BMAL1: variants seen among roughly 807,000 people sequenced by gnomAD.
The protein encoded by BMAL1 is basic helix-loop-helix ARNT like 1.
chr11:13,330,663 G>T, the BMAL1 span, among the ~76,000 whole-genome samples: 1 of 152,234 alleles, frequency 6.6e-6, no homozygotes. Flanking sequence ...TAAATTAGGA[G>T]ATGGGAGGGA....
the BMAL1 span, among the ~76,000 whole-genome samples, chr11:13,362,027 C>CT: frequency 4.6e-5 from 7 of 152,212 alleles, no homozygotes; most frequent in Non-Finnish European, 1.0e-4. Flanking sequence ...ATTTTCCAGC[C>CT]TCCCTGGTGG....
chr11:13,366,755 C>A, the BMAL1 span: 1 of 1,613,900 alleles, frequency 6.2e-7, no homozygotes, highest in Admixed American at 1.7e-5. Flanking sequence ...TGACACCGCA[C>A]CCCGGGAGCG....
chr11:13,284,267 T>TATATATA, the BMAL1 span, among the ~76,000 whole-genome samples: 87 of 11,760 alleles, frequency 7.4e-3, 4 homozygotes, highest in Middle Eastern at 0.038. Context: ...TATATATATA[T>TATATATA]TTTTTTTTTT....
At chr11:13,359,592 G>A in the BMAL1 span, among the ~76,000 whole-genome samples, 6 of 152,164 alleles carry the variant, frequency 3.9e-5, no homozygotes, top group African/African-American at 4.8e-5. Context: ...GTTGCAACAC[G>A]TCCTGTCTCC....
chr11:13,381,388 C>A, the BMAL1 span: 18 of 803,564 alleles, frequency 2.2e-5, no homozygotes, highest in Non-Finnish European at 3.3e-5. Flanking sequence ...GTAAATGCAT[C>A]TGTGTGAGGC....
At chr11:13,363,170 A>T in the BMAL1 span, among the ~76,000 whole-genome samples, 66 of 142,646 alleles carry the variant, frequency 4.6e-4, 1 homozygote, top group Middle Eastern at 7.1e-3. Flanking sequence ...ATATATATGT[A>T]AAATAATTAT....
the BMAL1 span, among the ~76,000 whole-genome samples, chr11:13,370,855 A>G: frequency 1.3e-5 from 2 of 152,318 alleles, no homozygotes; most frequent in African/African-American, 4.8e-5. Flanking sequence ...CACTAAGCAC[A>G]TGTGAGCCAT....
chr11:13,296,634 A>G, the BMAL1 span, among the ~76,000 whole-genome samples: 3 of 152,204 alleles, frequency 2.0e-5, no homozygotes, highest in African/African-American at 7.2e-5. Flanking sequence ...TGTGGCCCTC[A>G]GAGGGCCTGG....
At chr11:13,298,011 T>C in the BMAL1 span, among the ~76,000 whole-genome samples, 6 of 152,206 alleles carry the variant, frequency 3.9e-5, no homozygotes, top group Non-Finnish European at 7.3e-5. Context: ...TAGCTTCCTG[T>C]CCCAGTCAGA....
the BMAL1 span, chr11:13,386,529 A>G: frequency 7.1e-7 from 1 of 1,418,412 alleles, no homozygotes; most frequent in Non-Finnish European, 9.4e-7. Context: ...GTGCTTAGGA[A>G]TTGCTTACTT....
the BMAL1 span, among the ~76,000 whole-genome samples, chr11:13,325,444 CT>C: frequency 1.3e-5 from 2 of 151,418 alleles, no homozygotes; most frequent in South Asian, 2.1e-4. Flanking sequence ...TTTTTCTTTT[CT>C]TTTTTTTTCT....
At chr11:13,378,815 A>C in the BMAL1 span, 1 of 219,812 alleles carries the variant, frequency 4.5e-6, no homozygotes, top group Admixed American at 6.2e-5. Context: ...GGATAGATGT[A>C]CCTTTACTTT....
the BMAL1 span, chr11:13,378,642 C>T: frequency 3.3e-6 from 2 of 608,290 alleles, no homozygotes; most frequent in Admixed American, 3.8e-5. Flanking sequence ...CAGGACAGTT[C>T]CCTCCTCCCC....
At chr11:13,334,333 AG>A in the BMAL1 span, among the ~76,000 whole-genome samples, 1 of 152,206 alleles carries the variant, frequency 6.6e-6, no homozygotes, top group African/African-American at 2.4e-5. Flanking sequence ...TTATTTTGCA[AG>A]AAATCATTAG....
At chr11:13,354,515 A>G in the BMAL1 span, 2 of 1,568,788 alleles carry the variant, frequency 1.3e-6, no homozygotes, top group Non-Finnish European at 1.7e-6. Context: ...TGGAACATCT[A>G]GCAGCCAGCT....
the BMAL1 span, chr11:13,353,457 A>C: frequency 6.6e-6 from 1 of 152,234 alleles, no homozygotes; most frequent in East Asian, 1.9e-4. Context: ...TCATAACAGG[A>C]GTACAAAGAT....
the BMAL1 span, among the ~76,000 whole-genome samples, chr11:13,323,568 C>A: frequency 0.25 from 37,723 of 152,144 alleles, 4,814 homozygotes; most frequent in East Asian, 0.39. Context: ...CTCCTGTGTT[C>A]TTCACATCAT....
At chr11:13,336,319 T>C in the BMAL1 span, among the ~76,000 whole-genome samples, 5 of 152,292 alleles carry the variant, frequency 3.3e-5, no homozygotes, top group Admixed American at 2.0e-4. Flanking sequence ...TTTAAAAGCG[T>C]CCCCATATAG....
At chr11:13,280,359 A>T in the BMAL1 span, among the ~76,000 whole-genome samples, 1 of 152,264 alleles carries the variant, frequency 6.6e-6, no homozygotes, top group Non-Finnish European at 1.5e-5. Flanking sequence ...TGGAATTTAT[A>T]TGCTAAAAGA....
Sources: gnomAD v4.1 joint callset for allele counts (sites outside exome capture counted in the v4.1 genomes callset) on GRCh38, gnomAD v4.1.1 for gene constraint, MANE v1.5 for transcripts, NCBI Gene and HGNC (gene_info 2026-07-23, HGNC 2026-07-21) for gene names.